Variants in EBF4 observed in about 807,000 individuals in gnomAD.
EBF4 encodes the protein transcription factor COE4.
A neutral mutation model predicts 67.1 loss-of-function variants in EBF4; 34 were observed. That is an observed-to-expected ratio of 0.51 (90% CI 0.39 to 0.67). The LOEUF is 0.67. Ranked by LOEUF, EBF4 falls within the 30% of genes least tolerant of loss-of-function variation. The probability of loss-of-function intolerance (pLI) is 0.00; values close to 1 mark genes in which losing one functional copy is unlikely to be tolerated. For missense variants in EBF4, 837 were observed against 873.3 expected (o/e 0.96, Z 0.52); for synonymous variants, 387 against 377.7 (o/e 1.02, Z -0.29).
chr20:2,707,920 C>G lies in EBF4; in HGVS notation c.415-27C>G, dbSNP rs755996034. 7.0e-6 allele frequency: 11 copies of G among 1,566,548 alleles called. No individual in the cohort carries two copies. In the South Asian group the frequency reaches 1.3e-4, roughly 18 times the overall value. On this transcript the variant is annotated intron_variant, in intron 4 of 16. Coordinates refer to ENST00000609451, the Ensembl canonical transcript of EBF4. The surrounding 1 kb of genome is among the most constrained non-coding windows in gnomAD (Gnocchi z 4.6). Reference sequence around the variant, plus strand: ...CACCTCAGAGGAGCCTCCTTCCCCTCCAGCCTGTGCACCTCCCTCTCCCCA... The same window carrying G: ...CACCTCAGAGGAGCCTCCTTCCCCTGCAGCCTGTGCACCTCCCTCTCCCCA...
chr20:2,694,436 C>T (rs972190418), intron 1 of EBF4, among the ~76,000 whole-genome samples: 2 of 152,168 alleles, frequency 1.3e-5, no homozygotes, highest in African/African-American at 4.8e-5. Flanking sequence ...CGCCGGTCTC[C>T]TCTGACTCCT....
chr20:2,756,476 G>A lies in EBF4; in HGVS notation c.1738+652G>A, dbSNP rs1370612649. On this transcript the variant is annotated intron_variant, in intron 15 of 16. Transcript: ENST00000609451. The surrounding 1 kb of genome is among the most constrained non-coding windows in gnomAD (Gnocchi z 4.5). ...AGGGACTGGCTGTGGAAAAGGAGGA[G>A]GCAACAGGATGTGGGTGGGGCAGAA... Among the ~76,000 whole-genome samples, 1 of 152,238 alleles carries A rather than the reference G, an allele frequency of 6.6e-6. No homozygotes were observed. The highest frequency in any genetic ancestry group is 2.4e-5 in the African/African-American group (1 of 41,458).
In EBF4 at chr20:2,758,996, G is replaced by T. The variant is rs374336083; in HGVS notation, c.*5+12G>T. On this transcript the variant is annotated intron_variant, in intron 16 of 16. Transcript: ENST00000609451. The stretch of plus-strand genomic sequence containing the variant: ...TACTCCTAATTACGGTAGGTCTCTG[G>T]CTGGGTCTGGCCTCCCCCGCCCCAC... 1.3e-6 allele frequency: 2 copies of T among 1,551,356 alleles called. No individual in the cohort carries two copies. Among genetic ancestry groups the T allele is most frequent in the Non-Finnish European group, 1.7e-6 (2 of 1,146,724 alleles).
chr20:2,706,159 G>T, intron 3 of EBF4, 50 bp from the exon 4 acceptor site: 1 of 1,551,308 alleles, frequency 6.4e-7, no homozygotes, highest in Non-Finnish European at 8.7e-7. Flanking sequence ...TGGTCATTGA[G>T]GCTGCACATG....
chr20:2,733,355 A>G (rs1444816185), intron 6 of EBF4, among the ~76,000 whole-genome samples: 1 of 152,086 alleles, frequency 6.6e-6, no homozygotes, highest in Non-Finnish European at 1.5e-5. Context: ...TTGGCTTTCA[A>G]AAGTTTGAGT....
In EBF4 at chr20:2,707,011, G is replaced by A. The variant is rs2087467991; in HGVS notation, c.414+747G>A. On this transcript the variant is annotated intron_variant, in intron 4 of 16. Coordinates refer to ENST00000609451, the Ensembl canonical transcript of EBF4. The surrounding 1 kb of genome is among the most constrained non-coding windows in gnomAD (Gnocchi z 4.6). ...GCCCCAAATCTCAGGGCTTTTCAGA[G>A]AAGCTGTGCATGCTGGCAAGGAGGG... Among the ~76,000 whole-genome samples, 2 of 152,246 alleles carry A rather than the reference G, an allele frequency of 1.3e-5. No homozygotes were observed. Among genetic ancestry groups the A allele is most frequent in the African/African-American group, 2.4e-5 (1 of 41,462 alleles).
rs140912624 is a variant in EBF4, at chr20:2,727,043, G to C, written c.557+17401G>C. ...ACTCACATAGCATTTATCTTTTTGC[G>C]ACTGGCTTATTTTACTTGGCATACT... On this transcript the variant is annotated intron_variant, in intron 6 of 16. Coordinates refer to ENST00000609451, the Ensembl canonical transcript of EBF4. 1.8e-3 allele frequency among the ~76,000 whole-genome samples: 275 copies of C among 152,108 alleles called. 5 individuals are homozygous for C. In the South Asian group the frequency reaches 0.025, roughly 14 times the overall value.
At chr20:2,749,184 T>C (rs1196905552) in intron 7 of EBF4, among the ~76,000 whole-genome samples, 1 of 152,146 alleles carries the variant, frequency 6.6e-6, no homozygotes, top group Admixed American at 6.5e-5. Context: ...TTTATTTTTG[T>C]AGCGCCTGGG....
In EBF4 at chr20:2,701,949, C is replaced by T. The variant is rs141896029; in HGVS notation, c.138-3628C>T. ...TATTCATCAACAGTAATCAGGGCCC[C>T]GCTGTGATCGAAAGCCCTCTTAGGG... is the stretch of plus-strand genomic sequence containing the variant. On this transcript the variant is annotated intron_variant, in intron 1 of 16. Transcript: ENST00000609451. Among the ~76,000 whole-genome samples, 212 of 152,302 alleles carry T rather than the reference C, an allele frequency of 1.4e-3. 1 individual carries two copies. Among genetic ancestry groups the T allele is most frequent in the Middle Eastern group, 0.01 (3 of 294 alleles).
Position 2,752,338 on chromosome 20 carries a change from G to T in EBF4, c.1352-19G>T. ...CCCCGGCCGGCACCGCCCCCTGACG[G>T]CCGCGCTCTCTCTCGCAGGCTACGC... On this transcript the variant is annotated intron_variant, in intron 13 of 16. Transcript: ENST00000609451. 1.7e-6 allele frequency: 2 copies of T among 1,200,318 alleles called. No individual in the cohort carries two copies. Among genetic ancestry groups the T allele is most frequent in the Non-Finnish European group, 2.1e-6 (2 of 969,674 alleles). 74.4% of individuals were successfully genotyped at this position (1,200,318 alleles called of 1,614,324 possible). A position where few individuals can be genotyped will look rare whatever the true frequency, so the allele number is the denominator to read the frequency against.
At chr20:2,718,285 G>T (rs529246062) in intron 6 of EBF4, among the ~76,000 whole-genome samples, 1 of 152,168 alleles carries the variant, frequency 6.6e-6, no homozygotes, top group East Asian at 1.9e-4. Context: ...TTGGGATTGG[G>T]GTAATGCTGG....
At chr20:2,717,406 A>G (rs1010771278) in intron 6 of EBF4, among the ~76,000 whole-genome samples, 3 of 152,236 alleles carry the variant, frequency 2.0e-5, no homozygotes, top group Non-Finnish European at 4.4e-5. Context: ...AATAAAACAA[A>G]TTAGGATTGG....
intron 6 of EBF4, among the ~76,000 whole-genome samples, chr20:2,732,823 A>ATT (rs3053392): frequency 0.044 from 6,037 of 137,940 alleles, 405 homozygotes; most frequent in African/African-American, 0.15. Context: ...TCTTTTTCTT[A>ATT]TTTTTTTTTG....
At chr20:2,744,669 T>A (rs1197330830) in intron 6 of EBF4, among the ~76,000 whole-genome samples, 1 of 151,724 alleles carries the variant, frequency 6.6e-6, no homozygotes, top group African/African-American at 2.4e-5. Flanking sequence ...TTTCTATATT[T>A]TTAATAGAGA....
chr20:2,740,150 TAAA>T (rs1315820753), intron 6 of EBF4, among the ~76,000 whole-genome samples: 1 of 152,126 alleles, frequency 6.6e-6, no homozygotes, highest in Non-Finnish European at 1.5e-5. Context: ...CTGTCTCTAC[TAAA>T]AATACAAAAA....
rs1456458634 is a variant in EBF4 at position 2,751,073 on chromosome 20, G to C, written c.1019-627G>C. On this transcript the variant is annotated intron_variant, in intron 10 of 16. Transcript: ENST00000609451. The surrounding 1 kb of genome is among the most constrained non-coding windows in gnomAD (Gnocchi z 5.2). ...GGGCGTGGGGAGCTGGGTCAGACGC[G>C]CATACACACACACACCCCTTGCACA... 4.6e-5 allele frequency among the ~76,000 whole-genome samples: 7 copies of C among 151,956 alleles called. No homozygotes were observed. The highest frequency in any genetic ancestry group is 2.1e-4 in the South Asian group (1 of 4,822).
intron 6 of EBF4, among the ~76,000 whole-genome samples, chr20:2,744,520 C>G (rs1775243470): frequency 2.0e-5 from 2 of 100,662 alleles, no homozygotes; most frequent in Admixed American, 1.5e-4. Flanking sequence ...GAGACAGGGT[C>G]TCACTCTGTC....
At position 2,749,860 on chromosome 20, in the gene EBF4, A is replaced by ACGCCATC; in HGVS notation, c.908_914dup (p.Val306HisfsTer44). 6.5e-7 allele frequency: 1 copy of ACGCCATC among 1,550,068 alleles called. No individual in the cohort carries two copies. The highest frequency in any genetic ancestry group is 1.2e-5 in the South Asian group (1 of 83,800). On this transcript the variant is annotated frameshift_variant, in exon 10 of 17. Transcript: ENST00000609451. LOFTEE classifies it high-confidence loss of function. ...CTCCCCTCGCAGCTCATCACGCCCC[A>ACGCCATC]CGCCATCCGGGTGCAGACGCCCCCG...
chr20:2,704,612 G>A (rs1486002283), intron 1 of EBF4, among the ~76,000 whole-genome samples: 1 of 152,136 alleles, frequency 6.6e-6, no homozygotes, highest in African/African-American at 2.4e-5. Flanking sequence ...AGGACTTAGG[G>A]GAAAGCCACC....
Sources: allele counts gnomAD v4.1 joint callset (sites outside exome capture counted in the v4.1 genomes callset), GRCh38; gene constraint gnomAD v4.1.1; non-coding constraint Gnocchi (gnomAD v3.1); transcripts MANE v1.5; gene names NCBI Gene and HGNC (gene_info 2026-07-23, HGNC 2026-07-21).